Variants in OCIAD1 observed in about 807,000 individuals in gnomAD.
The protein encoded by OCIAD1 is OCIA domain containing 1.
In OCIAD1, 29 loss-of-function variants were observed where a neutral mutation model predicts 38.9. The ratio of observed to expected loss-of-function variants is 0.74; its 90% CI spans 0.55 to 1.02. The LOEUF (loss-of-function observed/expected upper bound fraction) is 1.02. Ranked by LOEUF, OCIAD1 falls within the 50% of genes least tolerant of loss-of-function variation. The pLI, the probability that OCIAD1 is intolerant of heterozygous loss-of-function variation, is 0.00. For missense variants in OCIAD1, 288 were observed against 289.6 expected (o/e 0.99, Z 0.04); for synonymous variants, 110 against 92.0 (o/e 1.20, Z -1.12).
intron 3 of OCIAD1, among the ~76,000 whole-genome samples, chr4:48,841,899 CTAGTT>C (rs1169137112): frequency 6.6e-5 from 10 of 152,094 alleles, no homozygotes; most frequent in Non-Finnish European, 4.4e-5. Context: ...AAGGAGTTCA[CTAGTT>C]TAGAAGAAAG....
chr4:48,812,982 C>T (rs551118184), intron 1 of OCIAD1, among the ~76,000 whole-genome samples: 8 of 152,226 alleles, frequency 5.3e-5, no homozygotes, highest in African/African-American at 1.4e-4. Flanking sequence ...ATCTACCTCT[C>T]AAGTACAGGG....
intron 1 of OCIAD1, chr4:48,831,534 A>G: frequency 1.5e-6 from 2 of 1,290,754 alleles, no homozygotes; most frequent in Non-Finnish European, 2.0e-6. Context: ...GGAGTGCGGT[A>G]ATCAGCGGTT....
chr4:48,836,471 A>T (rs527545825), intron 3 of OCIAD1, among the ~76,000 whole-genome samples: 7 of 152,354 alleles, frequency 4.6e-5, no homozygotes, highest in African/African-American at 1.7e-4. Context: ...ATTGTCGAAG[A>T]TTTCTAAGCA....
chr4:48,811,541 A>G (rs1306539359), intron 1 of OCIAD1, among the ~76,000 whole-genome samples: 8 of 152,232 alleles, frequency 5.3e-5, no homozygotes, highest in Non-Finnish European at 8.8e-5. Flanking sequence ...TTGCTCTCAG[A>G]TATCTGCATA....
intron 3 of OCIAD1, among the ~76,000 whole-genome samples, chr4:48,837,788 C>T (rs1006973519): frequency 4.6e-5 from 7 of 151,676 alleles, no homozygotes; most frequent in East Asian, 1.9e-4. Context: ...GTTGGGCTAA[C>T]GGTTAAATAG....
rs766380428 is a variant in OCIAD1, at chr4:48,851,986, C to A, written c.547+11C>A. ...ATCATATTGTCCAAGGTAGAAACTT[C>A]TCTTGAAATGAATTTCAACATTTTA... On this transcript the variant is annotated intron_variant, in intron 7 of 8. Transcript: ENST00000264312. 5.7e-6 allele frequency: 9 copies of A among 1,579,670 alleles called. No individual in the cohort carries two copies. Among genetic ancestry groups the A allele is most frequent in the South Asian group, 2.3e-5 (2 of 86,496 alleles).
At chr4:48,856,074 G>A (rs915099720) in intron 7 of OCIAD1, 1 of 151,760 alleles carries the variant, frequency 6.6e-6, no homozygotes. Context: ...CTGAATGTTA[G>A]CATCTTTTTT....
intron 3 of OCIAD1, 21 bp downstream of exon 3, chr4:48,833,502 A>G: frequency 2.1e-6 from 3 of 1,452,180 alleles, no homozygotes; most frequent in Non-Finnish European, 2.9e-6. Flanking sequence ...TTTTCTAATT[A>G]ATATAATTTG....
At chr4:48,845,650 A>G (rs1471158554) in intron 4 of OCIAD1, among the ~76,000 whole-genome samples, 1 of 152,202 alleles carries the variant, frequency 6.6e-6, no homozygotes, top group Non-Finnish European at 1.5e-5. Context: ...GATATAATAT[A>G]TAATATGTAT....
intron 1 of OCIAD1, among the ~76,000 whole-genome samples, chr4:48,807,491 G>A (rs181272329): frequency 1.2e-4 from 19 of 152,202 alleles, no homozygotes; most frequent in African/African-American, 4.1e-4. Context: ...CTATCAGGTT[G>A]TTATAAGGAT....
intron 1 of OCIAD1, among the ~76,000 whole-genome samples, chr4:48,813,431 A>T (rs1157129590): frequency 1.3e-5 from 2 of 152,174 alleles, no homozygotes; most frequent in East Asian, 3.8e-4. Context: ...AGGTGAGTGG[A>T]TCGCCTGAAC....
chr4:48,812,300 A>AAAAAAAAAAAAAAAC (rs1777097253), intron 1 of OCIAD1, among the ~76,000 whole-genome samples: 1 of 146,244 alleles, frequency 6.8e-6, no homozygotes, highest in Non-Finnish European at 1.5e-5. Context: ...AAAAAAAAAA[A>AAAAAAAAAAAAAAAC]AAAAAAAAAA....
intron 1 of OCIAD1, among the ~76,000 whole-genome samples, chr4:48,811,618 TAC>T (rs1184376221): frequency 6.6e-6 from 1 of 152,204 alleles, no homozygotes; most frequent in Non-Finnish European, 1.5e-5. Context: ...GCCACTGCAC[TAC>T]AGTCTGGGTA....
At chr4:48,836,922 A>G (rs1023841552) in intron 3 of OCIAD1, among the ~76,000 whole-genome samples, 4 of 152,230 alleles carry the variant, frequency 2.6e-5, no homozygotes, top group Admixed American at 1.3e-4. Flanking sequence ...CATAGTCATC[A>G]TAAAGTAAGG....
At chr4:48,847,659 A>G (rs1779087983) in intron 4 of OCIAD1, among the ~76,000 whole-genome samples, 1 of 152,226 alleles carries the variant, frequency 6.6e-6, no homozygotes, top group South Asian at 2.1e-4. Flanking sequence ...ACTATGCTGC[A>G]GTGTTGTCTT....
At chr4:48,824,411 C>T (rs1190678127) in intron 1 of OCIAD1, among the ~76,000 whole-genome samples, 1 of 151,882 alleles carries the variant, frequency 6.6e-6, no homozygotes, top group South Asian at 2.1e-4. Flanking sequence ...GATGGGACCT[C>T]ATTCTGTTGC....
intron 7 of OCIAD1, chr4:48,856,271 C>T (rs1780037503): frequency 6.6e-6 from 1 of 152,030 alleles, no homozygotes; most frequent in Non-Finnish European, 1.5e-5. Context: ...GTTCCCAGGC[C>T]AAAATAACAG....
At chr4:48,852,882 G>GTTTTTTTTTTTTT (rs1439653723) in intron 7 of OCIAD1, among the ~76,000 whole-genome samples, 41 of 126,262 alleles carry the variant, frequency 3.2e-4, no homozygotes, top group African/African-American at 9.8e-4. Flanking sequence ...TTTGTTTTTT[G>GTTTTTTTTTTTTT]TTTTTTTTTT....
At chr4:48,810,468 CAAAAAAAAAAA>C (rs749988114) in intron 1 of OCIAD1, among the ~76,000 whole-genome samples, 5 of 42,326 alleles carry the variant, frequency 1.2e-4, no homozygotes, top group Non-Finnish European at 1.9e-4. Flanking sequence ...GACTCCATCT[CAAAAAAAAAAA>C]AAAAAAAAAA....
Sources: allele counts gnomAD v4.1 joint callset (sites outside exome capture counted in the v4.1 genomes callset), GRCh38; gene constraint gnomAD v4.1.1; transcripts MANE v1.5; gene names NCBI Gene and HGNC (gene_info 2026-07-23, HGNC 2026-07-21).